Variants in ZGRF1 observed in about 807,000 individuals in gnomAD.
ZGRF1 encodes the protein zinc finger GRF-type containing 1, also known as 5'-3' DNA helicase ZGRF1.
Under a neutral mutation model 203.5 loss-of-function variants are expected in ZGRF1, and 196 were observed. The ratio of observed to expected loss-of-function variants is 0.96; its 90% CI spans 0.86 to 1.08. The LOEUF (loss-of-function observed/expected upper bound fraction) is 1.08, where lower values mean the gene tolerates loss of function less well. Among genes scored for constraint, ZGRF1 ranks in the 50% least tolerant of loss-of-function variants. The probability of loss-of-function intolerance (pLI) is 0.00; values close to 1 mark genes in which losing one functional copy is unlikely to be tolerated. For synonymous variants in ZGRF1, 809 were observed against 841.3 expected, an observed-to-expected ratio of 0.96 and a Z score of 0.66; for missense variants, 2,326 against 2,416.3, an observed-to-expected ratio of 0.96 and a Z score of 0.78.
intron 16 of ZGRF1, among the ~76,000 whole-genome samples, chr4:112,575,291 G>C (rs374444612): frequency 1.3e-5 from 2 of 152,118 alleles, no homozygotes; most frequent in African/African-American, 4.8e-5. Context: ...CTAACATTTG[G>C]GGGGAAGAGC....
chr4:112,597,564 G>A (rs1458601825), intron 10 of ZGRF1, among the ~76,000 whole-genome samples: 2 of 151,698 alleles, frequency 1.3e-5, no homozygotes, highest in African/African-American at 2.4e-5. Flanking sequence ...TAATTCTAGA[G>A]AGAGAAGGCA....
chr4:112,587,903 T>A lies in ZGRF1; in HGVS notation c.3154A>T (p.Asn1052Tyr). 1 of 1,536,802 alleles carries A rather than the reference T, an allele frequency of 6.5e-7. No individual in the cohort carries two copies. ...EGMKKSRSLE[N>Y]ENLQRLSLLS... ...AATGAAAGCCTTTGAAGGTTCTCATTCTCCAGAGAACGGGATTTTTTCATC... is the reference window on the plus strand; with the variant it reads ...AATGAAAGCCTTTGAAGGTTCTCATACTCCAGAGAACGGGATTTTTTCATC... The change falls in exon 12 of 28, where the codon AAT becomes TAT. Residue 1052 changes from asparagine (N) to tyrosine (Y), a missense_variant. Asn to Tyr is a moderately radical substitution (Grantham distance 143). Transcript: ENST00000505019.
intron 12 of ZGRF1, 59 bp from the exon 13 acceptor site, chr4:112,586,642 A>G: frequency 1.6e-6 from 2 of 1,252,324 alleles, no homozygotes; most frequent in Non-Finnish European, 2.2e-6. Context: ...TTTACTAAAG[A>G]GTAAATTATT....
intron 10 of ZGRF1, among the ~76,000 whole-genome samples, chr4:112,596,533 T>A (rs1409443174): frequency 6.6e-6 from 1 of 151,984 alleles, no homozygotes; most frequent in African/African-American, 2.4e-5. Flanking sequence ...ACCCACTGAG[T>A]ACAGTGTATT....
At chr4:112,574,079 T>C (rs1744707597) in intron 16 of ZGRF1, among the ~76,000 whole-genome samples, 1 of 152,226 alleles carries the variant, frequency 6.6e-6, no homozygotes, top group African/African-American at 2.4e-5. Context: ...AATCTAAAGA[T>C]GTGTGAAGTA....
chr4:112,554,450 C>G (rs1429891752), intron 21 of ZGRF1, among the ~76,000 whole-genome samples: 1 of 152,078 alleles, frequency 6.6e-6, no homozygotes, highest in African/African-American at 2.4e-5. Context: ...CAATGACAGA[C>G]TGGATTAAGA....
rs573438513 is a variant in ZGRF1 at position 112,612,122 on chromosome 4, T to C, written c.2667+402A>G. ...CTGAGATTACAGGTGCATGCCACCATGCCTGGCTAATTTTTGTGTTTTTAG... is the reference window on the plus strand; with the variant it reads ...CTGAGATTACAGGTGCATGCCACCACGCCTGGCTAATTTTTGTGTTTTTAG... On this transcript the variant is annotated intron_variant, in intron 7 of 27. Transcript: ENST00000505019. 3.9e-5 allele frequency among the ~76,000 whole-genome samples: 6 copies of C among 152,248 alleles called. No homozygotes were observed. In the South Asian group the frequency reaches 1.0e-3, roughly 26 times the overall value.
intron 4 of ZGRF1, among the ~76,000 whole-genome samples, chr4:112,623,227 T>A (rs553456523): frequency 6.6e-6 from 1 of 152,240 alleles, no homozygotes; most frequent in Non-Finnish European, 1.5e-5. Context: ...ATGGTGTATT[T>A]CTATCTCATT....
chr4:112,595,992 C>T (rs1396932348), intron 10 of ZGRF1, among the ~76,000 whole-genome samples: 1 of 152,138 alleles, frequency 6.6e-6, no homozygotes, highest in Admixed American at 6.5e-5. Context: ...AAGCACTTAT[C>T]TGTTTGTAGA....
chr4:112,570,824 C>T (rs1241567786), intron 16 of ZGRF1, among the ~76,000 whole-genome samples: 1 of 151,966 alleles, frequency 6.6e-6, no homozygotes, highest in Non-Finnish European at 1.5e-5. Flanking sequence ...GAGTGGTAGG[C>T]CAGGCATGGA....
intron 10 of ZGRF1, among the ~76,000 whole-genome samples, chr4:112,591,504 A>C (rs1165930221): frequency 6.6e-6 from 1 of 152,132 alleles, no homozygotes; most frequent in Non-Finnish European, 1.5e-5. Flanking sequence ...AATCTCTCTT[A>C]AAGTATGAGG....
At chr4:112,576,147 T>A (rs1007019687) in intron 16 of ZGRF1, among the ~76,000 whole-genome samples, 7 of 152,214 alleles carry the variant, frequency 4.6e-5, no homozygotes, top group African/African-American at 1.7e-4. Context: ...CAGCCTCCGC[T>A]GCTGATACCC....
At position 112,558,229 on chromosome 4, in the gene ZGRF1, G is replaced by C; in HGVS notation, c.5041C>G (p.Pro1681Ala). The stretch of plus-strand genomic sequence containing the variant: ...CACGGCCTTGCATTTCCAATGGTGG[G>C]AGCTTCACTCTTTTCAAACAGCTGT... ...FVQLFEKSEAPTIGNARPWKL... is the reference protein window; with the variant it reads ...FVQLFEKSEAATIGNARPWKL... Residue 1681 changes from proline (P) to alanine (A), a missense_variant, in exon 20 of 28, where the codon CCC becomes GCC. Transcript: ENST00000505019. 1 of 1,605,244 alleles carries C rather than the reference G, an allele frequency of 6.2e-7. No homozygotes were observed. Among genetic ancestry groups the C allele is most frequent in the South Asian group, 1.1e-5 (1 of 89,236 alleles).
chr4:112,587,991 G>C (rs1747518086), intron 11 of ZGRF1, 62 bp from the exon 12 acceptor site: 3 of 1,271,630 alleles, frequency 2.4e-6, no homozygotes, highest in Admixed American at 6.3e-5. Context: ...CTAGGCTCTA[G>C]AAAACAGTGG....
chr4:112,629,537 G>T (rs1314644798), intron 3 of ZGRF1, among the ~76,000 whole-genome samples: 1 of 151,882 alleles, frequency 6.6e-6, no homozygotes, highest in African/African-American at 2.4e-5. Flanking sequence ...AGGTGAGGTG[G>T]TGTGTGCCTG....
Position 112,562,392 on chromosome 4 carries a change from A to C in ZGRF1, c.4676T>G (p.Leu1559Arg). 1 of 1,603,180 alleles carries C rather than the reference A, an allele frequency of 6.2e-7. No homozygotes were observed. The highest frequency in any genetic ancestry group is 1.1e-5 in the South Asian group (1 of 89,708). ...QDYFNPATLP[L>R]TQYLLTTSSP... ...TTACGTTGTTAACAGGTACTGTGTTAGAGGTAGAGTAGCTGGATTAAAGTA... is the reference window on the plus strand; with the variant it reads ...TTACGTTGTTAACAGGTACTGTGTTCGAGGTAGAGTAGCTGGATTAAAGTA... The change falls in exon 18 of 28, where the codon CTA becomes CGA. Residue 1559 changes from leucine (L) to arginine (R), a missense_variant. Physicochemically the swap from Leu to Arg is moderately radical, Grantham distance 102. Transcript: ENST00000505019.
chr4:112,586,825 A>AT (rs1747273222), intron 12 of ZGRF1, among the ~76,000 whole-genome samples: 1 of 152,144 alleles, frequency 6.6e-6, no homozygotes, highest in Admixed American at 6.6e-5. Context: ...GTTTTTATAT[A>AT]TTTTTTGCTA....
At position 112,617,492 on chromosome 4, in the gene ZGRF1, A is replaced by C; in HGVS notation, c.2550T>G (p.Thr850=). The stretch of plus-strand genomic sequence containing the variant: ...TCTGTTGAGTTCCTTGCTGAAAGAC[A>C]GTATTTTTCTTTTTCAATATTTCCA... ...DSLEILKKKN[T]VFQQGTQQTY... is the part of the protein sequence containing the mutation. Residue 850 remains threonine (T), a synonymous_variant, in exon 6 of 28, where the codon ACT becomes ACG. Coordinates refer to ENST00000505019, the MANE Select transcript of ZGRF1 (RefSeq NM_018392.5). 1.3e-6 allele frequency: 2 copies of C among 1,595,886 alleles called. No individual in the cohort carries two copies. The highest frequency in any genetic ancestry group is 1.7e-6 in the Non-Finnish European group (2 of 1,174,188).
Position 112,603,701 on chromosome 4 carries a change from C to T in ZGRF1, c.2803-4G>A, listed in dbSNP as rs1750328606. On this transcript the variant is annotated splice_polypyrimidine_tract_variant and splice_region_variant and intron_variant, in intron 9 of 27. Coordinates refer to ENST00000505019, the MANE Select transcript of ZGRF1 (RefSeq NM_018392.5). Reference sequence around the variant, plus strand: ...GATGTCCTTGAAACTCAACAGGCTACAGGTAAATTATTAAAAATAAGAACT... The same window carrying T: ...GATGTCCTTGAAACTCAACAGGCTATAGGTAAATTATTAAAAATAAGAACT... The T allele has an allele frequency of 1.2e-6, 2 of 1,607,326 alleles. No homozygotes were observed. The highest frequency in any genetic ancestry group is 2.7e-5 in the African/African-American group (2 of 74,674).
Sources: allele counts gnomAD v4.1 joint callset (sites outside exome capture counted in the v4.1 genomes callset), GRCh38; gene constraint gnomAD v4.1.1; transcripts MANE v1.5; gene names NCBI Gene and HGNC (gene_info 2026-07-23, HGNC 2026-07-21).